The following MADD variants were observed in gnomAD, a reference collection of about 807,000 sequenced individuals.
The protein encoded by MADD is MAP kinase activating death domain.
Under a neutral mutation model 176.7 loss-of-function variants are expected in MADD, and 109 were observed. The ratio of observed to expected loss-of-function variants is 0.62; its 90% CI spans 0.53 to 0.72. The LOEUF is 0.72. Ranked by LOEUF, MADD falls within the 30% of genes least tolerant of loss-of-function variation. The pLI is 0.00. For missense variants in MADD, 1,914 were observed against 2,045.5 expected (o/e 0.94, Z 1.24); for synonymous variants, 771 against 771.3 (o/e 1.00, Z 0.01).
intron 19 of MADD, 53 bp from the exon 22 acceptor site, chr11:47,293,830 C>G (rs1210763792): frequency 8.3e-7 from 1 of 1,206,288 alleles, no homozygotes. Flanking sequence ...CCCCCTTTAC[C>G]AGCCTGCCCC....
At chr11:47,282,409 G>A (rs770084863) in exon 9 of MADD, 18 of 1,613,992 alleles carry the variant, frequency 1.1e-5, no homozygotes, top group Non-Finnish European at 1.4e-5. Context: ...CTTCAATTCC[G>A]CCAACGTGCT....
exon 22 of MADD, chr11:47,295,958 A>T (rs760972317): frequency 6.2e-7 from 1 of 1,614,068 alleles, no homozygotes. Context: ...AATGCAGGTG[A>T]TGGACCAGGT....
chr11:47,284,819 C>A, intron 12 of MADD, 122 bp from the exon 13 acceptor site: 2 of 1,405,066 alleles, frequency 1.4e-6, no homozygotes, highest in Non-Finnish European at 1.9e-6. Flanking sequence ...CTACAGAGAT[C>A]ATTTCCCACA....
intron 5 of MADD, among the ~76,000 whole-genome samples, chr11:47,277,346 A>T (rs2051080018): frequency 6.6e-6 from 1 of 152,206 alleles, no homozygotes; most frequent in African/African-American, 2.4e-5. Flanking sequence ...AGGCTGGAGT[A>T]CAGTGGCACA....
upstream of MADD, chr11:47,269,598 C>CCGCGG (rs1217783270): frequency 6.6e-6 from 1 of 152,066 alleles, no homozygotes; most frequent in Non-Finnish European, 1.5e-5. Context: ...CCAGCGGGCG[C>CCGCGG]CGCGGCGCGG....
chr11:47,275,291 GAGTTAATCTTTTTTCTTTTGGAGAC>G, intron 3 of MADD, 132 bp downstream of exon 3: 1 of 826,866 alleles, frequency 1.2e-6, no homozygotes, highest in Non-Finnish European at 1.9e-6. Context: ...AGAGTATTTA[GAGTTAATCTTTTTTCTTTTGGAGAC>G]AGTCTCGCTC....
At chr11:47,296,029 A>G (rs141421752) in exon 22 of MADD, 3 of 1,614,040 alleles carry the variant, frequency 1.9e-6, no homozygotes, top group African/African-American at 2.7e-5. Flanking sequence ...TGAAATTGAG[A>G]CCAACTCTGC....
chr11:47,276,301 C>A, intron 4 of MADD, 99 bp downstream of exon 4: 1 of 1,239,886 alleles, frequency 8.1e-7, no homozygotes, highest in Non-Finnish European at 1.1e-6. Flanking sequence ...ACATATTTTT[C>A]ACCTTTTTGT....
intron 31 of MADD, chr11:47,327,974 T>C: frequency 1.0e-6 from 1 of 985,342 alleles, no homozygotes; most frequent in Non-Finnish European, 1.2e-6. Flanking sequence ...GTATTTTGCC[T>C]GATGCTCCCT....
Position 47,309,180 on chromosome 11 carries a change from G to A in MADD, c.3752-101G>A. On this transcript the variant is annotated intron_variant, in intron 23 of 32. Transcript: ENST00000402192. ...TTGTGTTTCCTTTGCCCTGGAATTT[G>A]TAATTATTCCCTTTTATCTGGATTT... 3 of 1,554,552 alleles carry A rather than the reference G, an allele frequency of 1.9e-6. No individual in the cohort carries two copies. In the South Asian group the frequency reaches 3.5e-5, roughly 18 times the overall value.
At chr11:47,286,353 G>A (rs968305206) in intron 14 of MADD, 80 bp from the exon 15 acceptor site, 2 of 864,440 alleles carry the variant, frequency 2.3e-6, no homozygotes, top group Admixed American at 1.7e-5. Flanking sequence ...GGAGGGAGGT[G>A]CAGATGCTGA....
In MADD at chr11:47,285,224, G is replaced by T. The variant is rs759433509; in HGVS notation, c.2411+30G>T. On this transcript the variant is annotated intron_variant, in intron 13 of 32. Transcript: ENST00000402192. ...GAGCCTGGGCATCCCTTCTAGATGGGTGACTGAAGGACCTCACCTCAGTGG... is the reference window on the plus strand; with the variant it reads ...GAGCCTGGGCATCCCTTCTAGATGGTTGACTGAAGGACCTCACCTCAGTGG... 1.9e-6 allele frequency: 3 copies of T among 1,606,846 alleles called. No homozygotes were observed. In the South Asian group the frequency reaches 3.3e-5, roughly 18 times the overall value.
At chr11:47,292,511 T>A (rs199751657) in intron 19 of MADD, 32 bp from the exon 21 acceptor site, 4 of 1,609,408 alleles carry the variant, frequency 2.5e-6, no homozygotes, top group Non-Finnish European at 3.4e-6. Flanking sequence ...ACTTTCTGTC[T>A]TTCTCTCCTG....
chr11:47,294,484 A>T (rs758449518), intron 20 of MADD, among the ~76,000 whole-genome samples: 26 of 151,950 alleles, frequency 1.7e-4, no homozygotes, highest in Non-Finnish European at 3.7e-4. Flanking sequence ...AGCCTGGCCA[A>T]CGTAGTGAAA....
Position 47,280,342 on chromosome 11 carries a change from G to A in MADD, c.1291-1233G>A, listed in dbSNP as rs77688436. Among the ~76,000 whole-genome samples the A allele has an allele frequency of 9.7e-3, 1,472 of 152,126 alleles. 30 individuals are homozygous for A. Among genetic ancestry groups the A allele is most frequent in the African/African-American group, 0.034 (1,413 of 41,468 alleles). Reference sequence around the variant, plus strand: ...TAGTATCTCTAGATGCTATGTTTGGGTTTAAATGGGTCATTGTGTTTCATC... The same window carrying A: ...TAGTATCTCTAGATGCTATGTTTGGATTTAAATGGGTCATTGTGTTTCATC... On this transcript the variant is annotated intron_variant, in intron 7 of 32. Coordinates refer to ENST00000402192, the Ensembl canonical transcript of MADD.
chr11:47,308,481 G>A (rs1482073171), intron 22 of MADD, 110 bp from the exon 25 acceptor site: 3 of 686,240 alleles, frequency 4.4e-6, no homozygotes, highest in Non-Finnish European at 7.5e-6. Context: ...TGGAGTTTAT[G>A]TTGCTAATGG....
chr11:47,293,411 C>A (rs976267199), intron 19 of MADD, among the ~76,000 whole-genome samples: 4 of 151,320 alleles, frequency 2.6e-5, no homozygotes, highest in Admixed American at 2.0e-4. Flanking sequence ...AAGCAATTGT[C>A]GTGCCTCAAC....
rs2095235607 is a variant in MADD, at chr11:47,324,898, C to A, written c.4542+321C>A. Reference sequence around the variant, plus strand: ...ACTTGGCCCTTCCCCTGCAGTGTCTCTGCCTTCCTCTATTCCCAGGATATG... The same window carrying A: ...ACTTGGCCCTTCCCCTGCAGTGTCTATGCCTTCCTCTATTCCCAGGATATG... On this transcript the variant is annotated intron_variant, in intron 30 of 32. Transcript: ENST00000402192. The A allele has an allele frequency of 1.5e-5, 9 of 603,988 alleles. No homozygotes were observed. In the Admixed American group the frequency reaches 2.6e-4, roughly 18 times the overall value. 37.4% of individuals were successfully genotyped at this position (603,988 alleles called of 1,614,324 possible).
exon 10 of MADD, chr11:47,282,922 G>C (rs1235241708): frequency 1.9e-6 from 3 of 1,613,838 alleles, no homozygotes; most frequent in Non-Finnish European, 2.5e-6. Context: ...CTGAGGCCCT[G>C]AGTGTACCAC....
Sources: gnomAD v4.1 joint callset for allele counts (sites outside exome capture counted in the v4.1 genomes callset) on GRCh38, gnomAD v4.1.1 for gene constraint, MANE v1.5 for transcripts, NCBI Gene and HGNC (gene_info 2026-07-23, HGNC 2026-07-21) for gene names.